The following USP22 variants were observed in gnomAD, a reference collection of about 807,000 sequenced individuals.
USP22 encodes ubiquitin specific peptidase 22, also known as ubiquitin carboxyl-terminal hydrolase 22.
Under a neutral mutation model 68.1 loss-of-function variants are expected in USP22, and 22 were observed. That is an observed-to-expected ratio of 0.32 (90% CI 0.23 to 0.46). The LOEUF (loss-of-function observed/expected upper bound fraction) is 0.46, where lower values mean the gene tolerates loss of function less well. USP22 is among the 20% of genes least tolerant of loss of function. The pLI is 1.00. For missense variants in USP22, 433 were observed against 695.8 expected (o/e 0.62, Z 4.25); for synonymous variants, 279 against 274.2 (o/e 1.02, Z -0.17).
intron 1 of USP22, among the ~76,000 whole-genome samples, chr17:21,038,171 A>C (rs1052291822): frequency 6.6e-6 from 1 of 152,200 alleles, no homozygotes. Flanking sequence ...GGCCGAAGTG[A>C]ATCTCCTAAG....
chr17:21,012,606 G>A (rs188082156), intron 7 of USP22, among the ~76,000 whole-genome samples: 94 of 152,020 alleles, frequency 6.2e-4, no homozygotes, highest in Admixed American at 2.2e-3. Flanking sequence ...CAACAGCCAA[G>A]ACCTCAACAC....
intron 3 of USP22, among the ~76,000 whole-genome samples, 176 bp from the exon 4 acceptor site, chr17:21,019,361 T>TAA (rs1009476335): frequency 6.6e-6 from 1 of 152,196 alleles, no homozygotes; most frequent in African/African-American, 2.4e-5. Context: ...ACACAACACT[T>TAA]AAAGGAGCTT....
At chr17:21,036,406 A>G (rs1475776175) in intron 1 of USP22, among the ~76,000 whole-genome samples, 2 of 151,834 alleles carry the variant, frequency 1.3e-5, no homozygotes, top group African/African-American at 4.8e-5. Context: ...TATTACACAT[A>G]TAGGACACAA....
At chr17:21,005,099 C>T (rs1913739028) in intron 10 of USP22, 109 bp from the exon 11 acceptor site, 8 of 1,235,266 alleles carry the variant, frequency 6.5e-6, no homozygotes, top group African/African-American at 3.0e-5. Context: ...AGATGCTGCA[C>T]CGAGGTGCAC....
At position 21,042,942 on chromosome 17, in the gene USP22, G is replaced by C. The variant is rs867363652; in HGVS notation, c.-107C>G. The C allele has an allele frequency of 3.3e-5, 24 of 726,224 alleles. No individual in the cohort carries two copies. In the South Asian group the frequency reaches 1.2e-3, roughly 37 times the overall value. 45.0% of individuals were successfully genotyped at this position (726,224 alleles called of 1,614,324 possible). On this transcript the variant is annotated 5_prime_UTR_variant, in exon 1 of 13. Transcript: ENST00000261497. ...CGGCTGGCCAGGCTGGCCAAGGCCCGGGCGCCGAGAACAAAGCGCGGAGGC... is the reference window on the plus strand; with the variant it reads ...CGGCTGGCCAGGCTGGCCAAGGCCCCGGCGCCGAGAACAAAGCGCGGAGGC...
At chr17:21,038,924 T>G (rs1470599986) in intron 1 of USP22, among the ~76,000 whole-genome samples, 3 of 152,134 alleles carry the variant, frequency 2.0e-5, no homozygotes, top group Non-Finnish European at 4.4e-5. Flanking sequence ...GACGCCACTG[T>G]GGTCGTGCCA....
intron 9 of USP22, 101 bp from the exon 10 acceptor site, chr17:21,007,088 CT>C (rs1422726176): frequency 1.1e-5 from 11 of 1,037,290 alleles, no homozygotes; most frequent in Non-Finnish European, 1.4e-5. Context: ...TGTGTTATCT[CT>C]TTTGTATTTT....
At chr17:21,015,141 C>T (rs1914091976) in intron 6 of USP22, among the ~76,000 whole-genome samples, 2 of 152,154 alleles carry the variant, frequency 1.3e-5, no homozygotes, top group Admixed American at 1.3e-4. Flanking sequence ...CCCAGCCTCC[C>T]ACCTCCAGCG....
intron 9 of USP22, 114 bp from the exon 10 acceptor site, chr17:21,007,101 T>C (rs1913806422): frequency 3.4e-6 from 3 of 869,730 alleles, no homozygotes; most frequent in Non-Finnish European, 5.2e-6. Flanking sequence ...TTGTATTTTA[T>C]TGAACTGCCT....
At chr17:21,036,615 T>C (rs556138036) in intron 1 of USP22, among the ~76,000 whole-genome samples, 13 of 151,584 alleles carry the variant, frequency 8.6e-5, no homozygotes, top group South Asian at 4.2e-4. Context: ...AGTAAGTAGA[T>C]TGTCGACAGT....
rs1228255435 is a variant in USP22, at chr17:21,015,883, C to T, written c.707G>A (p.Arg236Gln). ...CAACTTATACGGGATGTGAGGGGAC[C>T]GGTGTCCAGAGTAAAACTGCCAGAG... Reference protein sequence around the residue: ...SLFQEFYSGHRSPHIPYKLLH... With the variant: ...SLFQEFYSGHQSPHIPYKLLH... Residue 236 changes from arginine (R) to glutamine (Q), a missense_variant, in exon 6 of 13, where the codon CGG becomes CAG. Arg to Gln is a conservative substitution (Grantham distance 43). Transcript: ENST00000261497. The T allele has an allele frequency of 6.2e-7, 1 of 1,613,998 alleles. No homozygotes were observed.
chr17:21,017,412 C>T (rs930602420), intron 5 of USP22, among the ~76,000 whole-genome samples: 5 of 152,218 alleles, frequency 3.3e-5, no homozygotes, highest in African/African-American at 1.2e-4. Context: ...GCCGTGAACG[C>T]CTTGCTCTGA....
At chr17:21,014,248 G>A (rs1218419782) in intron 6 of USP22, among the ~76,000 whole-genome samples, 1 of 152,160 alleles carries the variant, frequency 6.6e-6, no homozygotes. Context: ...AGGGAATTCT[G>A]TCAGAAGCAC....
chr17:21,015,301 G>A (rs1914096395), intron 6 of USP22, among the ~76,000 whole-genome samples: 1 of 152,194 alleles, frequency 6.6e-6, no homozygotes, highest in Admixed American at 6.5e-5. Context: ...CTGTGTCCCA[G>A]CTCTCTGGCT....
chr17:21,038,679 A>T (rs1972387289), intron 1 of USP22, among the ~76,000 whole-genome samples: 1 of 149,592 alleles, frequency 6.7e-6, no homozygotes, highest in Non-Finnish European at 1.5e-5. Context: ...AAAAAAAAAA[A>T]TACATAAAAA....
chr17:21,004,072 T>A (rs542081296), intron 12 of USP22, 130 bp downstream of exon 12: 2 of 1,320,104 alleles, frequency 1.5e-6, no homozygotes, highest in East Asian at 4.9e-5. Context: ...AGAACAGGCT[T>A]CATTACTTCG....
At chr17:21,028,404 T>C in intron 2 of USP22, 138 bp downstream of exon 2, 2 of 1,352,666 alleles carry the variant, frequency 1.5e-6, no homozygotes, top group South Asian at 2.7e-5. Context: ...CACTTCCAAG[T>C]GTCACCAGTG....
At chr17:21,003,999 G>A (rs115512666) in intron 12 of USP22, among the ~76,000 whole-genome samples, 2,614 of 152,052 alleles carry the variant, frequency 0.017, 62 homozygotes, top group African/African-American at 0.058. Flanking sequence ...TGCCTCCAGA[G>A]AGGGCCTTTG....
At chr17:21,021,080 G>A in intron 3 of USP22, 33 bp downstream of exon 3, 2 of 1,539,352 alleles carry the variant, frequency 1.3e-6, no homozygotes. Flanking sequence ...GGGAACTGCA[G>A]GATCAAGCAG....
Sources: allele counts gnomAD v4.1 joint callset (sites outside exome capture counted in the v4.1 genomes callset), GRCh38; gene constraint gnomAD v4.1.1; transcripts MANE v1.5; gene names NCBI Gene and HGNC (gene_info 2026-07-23, HGNC 2026-07-21).